CMIP: variants seen among roughly 807,000 people sequenced by gnomAD.
CMIP encodes the protein C-Maf-inducing protein.
Under a neutral mutation model 97.3 loss-of-function variants are expected in CMIP, and 13 were observed. The ratio of observed to expected loss-of-function variants is 0.13; its 90% CI spans 0.09 to 0.21. CMIP has a LOEUF of 0.21. CMIP is among the 10% of genes least tolerant of loss of function. CMIP has a pLI of 1.00. For synonymous variants in CMIP, 538 were observed against 436.3 expected (o/e 1.23, Z -2.91); for missense variants, 847 against 1,024.9 (o/e 0.83, Z 2.37).
At chr16:81,572,074 C>T (rs919089831) in intron 1 of CMIP, among the ~76,000 whole-genome samples, 12 of 152,240 alleles carry the variant, frequency 7.9e-5, no homozygotes, top group East Asian at 3.8e-4. Flanking sequence ...ACTTTGATGT[C>T]GTGTTCTGGC....
intron 3 of CMIP, chr16:81,645,279 T>G: frequency 5.4e-6 from 5 of 922,258 alleles, no homozygotes; most frequent in Non-Finnish European, 7.3e-6. Flanking sequence ...GGGGTCCTCC[T>G]CCACTCTGCA....
intron 5 of CMIP, among the ~76,000 whole-genome samples, chr16:81,660,254 T>G (rs2092529853): frequency 6.6e-6 from 1 of 152,114 alleles, no homozygotes; most frequent in Non-Finnish European, 1.5e-5. Flanking sequence ...AATCTCATTT[T>G]GCAAGTATTT....
At chr16:81,551,586 G>T (rs757607719) in intron 1 of CMIP, among the ~76,000 whole-genome samples, 1 of 152,244 alleles carries the variant, frequency 6.6e-6, no homozygotes, top group South Asian at 2.1e-4. Flanking sequence ...CACTGGGGCC[G>T]TGTGCAGTAT....
rs968773265 is a variant in CMIP at position 81,655,655 on chromosome 16, G to A, written c.640-2120G>A. On this transcript the variant is annotated intron_variant, in intron 4 of 20. Coordinates refer to ENST00000537098, the MANE Select transcript of CMIP (RefSeq NM_198390.3). This position sits in a 1 kb window ranked among gnomAD's most constrained non-coding sequence, Gnocchi z 4.9. ...CCTGGAAAGGTGCGTGGGTGGCGGC[G>A]AGGGATGGATGTGTCGAGCTGCCCT... Among the ~76,000 whole-genome samples the A allele has an allele frequency of 6.6e-6, 1 of 152,222 alleles. No homozygotes were observed. The highest frequency in any genetic ancestry group is 6.5e-5 in the Admixed American group (1 of 15,290).
intron 1 of CMIP, among the ~76,000 whole-genome samples, chr16:81,485,019 A>G (rs1414418041): frequency 6.6e-6 from 1 of 151,902 alleles, no homozygotes; most frequent in African/African-American, 2.4e-5. Context: ...TGAGCTGCGC[A>G]TTGGAATTAC....
chr16:81,670,231 G>A lies in CMIP; in HGVS notation c.915G>A (p.Lys305=). The A allele has an allele frequency of 6.2e-7, 1 of 1,610,572 alleles. No homozygotes were observed. The highest frequency in any genetic ancestry group is 8.5e-7 in the Non-Finnish European group (1 of 1,178,574). The change falls in exon 8 of 21, where the codon AAG becomes AAA. Residue 305 remains lysine (K), a synonymous_variant. Transcript: ENST00000537098. ...NELNAGMEVV[K]KFIQSMHGPT... The stretch of plus-strand genomic sequence containing the variant: ...TCAACGCGGGGATGGAAGTGGTGAA[G>A]AAGTTCATTCAGAGGTGGGTCTCCG...
chr16:81,679,991 G>T (rs1904707146), intron 10 of CMIP, among the ~76,000 whole-genome samples: 2 of 152,214 alleles, frequency 1.3e-5, no homozygotes, highest in African/African-American at 4.8e-5. Flanking sequence ...AACAAGCTCT[G>T]CCCCACTCTC....
chr16:81,632,413 G>A (rs766923425), intron 3 of CMIP, among the ~76,000 whole-genome samples: 4 of 152,138 alleles, frequency 2.6e-5, no homozygotes, highest in Non-Finnish European at 4.4e-5. Flanking sequence ...TCATCCACGC[G>A]GTTCCGTTCC....
At chr16:81,613,647 C>T (rs976330338) in intron 2 of CMIP, among the ~76,000 whole-genome samples, 1 of 152,184 alleles carries the variant, frequency 6.6e-6, no homozygotes, top group African/African-American at 2.4e-5. Context: ...AAAACACTGC[C>T]ATGATCATTT....
intron 3 of CMIP, among the ~76,000 whole-genome samples, chr16:81,649,015 C>T (rs1420520456): frequency 6.6e-5 from 10 of 152,142 alleles, no homozygotes; most frequent in Non-Finnish European, 1.5e-4. Context: ...CCACTCTCCC[C>T]ACCAGTATTT....
intron 9 of CMIP, among the ~76,000 whole-genome samples, chr16:81,674,063 C>G (rs1313564264): frequency 6.6e-6 from 1 of 152,168 alleles, no homozygotes; most frequent in African/African-American, 2.4e-5. Flanking sequence ...TGTTTTCTTG[C>G]AGCAGGGCAT....
intron 1 of CMIP, among the ~76,000 whole-genome samples, chr16:81,454,511 T>C (rs1242819253): frequency 3.3e-5 from 5 of 152,192 alleles, no homozygotes; most frequent in African/African-American, 7.2e-5. Flanking sequence ...TGTGATTTTG[T>C]CAAAAAAGTT....
intron 1 of CMIP, among the ~76,000 whole-genome samples, chr16:81,602,744 A>G (rs753134452): frequency 6.6e-5 from 10 of 152,232 alleles, no homozygotes; most frequent in Non-Finnish European, 1.3e-4. Flanking sequence ...TTAGCTGTAC[A>G]TCTTAGAGCA....
chr16:81,493,175 G>A (rs920625133), intron 1 of CMIP, among the ~76,000 whole-genome samples: 5 of 152,066 alleles, frequency 3.3e-5, no homozygotes, highest in African/African-American at 1.2e-4. Context: ...TCCTGGTCCC[G>A]GCACACAGAC....
rs879908525 is a variant in CMIP, at chr16:81,456,926, C to T, written c.300+11385C>T. On this transcript the variant is annotated intron_variant, in intron 1 of 20. Transcript: ENST00000537098. ...CCTGCAGACCCATCTCCGGAGGAGC[C>T]GTGGCAGAGGATCGCTTCTCACCTG... Among the ~76,000 whole-genome samples, 7 of 152,296 alleles carry T rather than the reference C, an allele frequency of 4.6e-5. No individual in the cohort carries two copies. The South Asian group carries it at 6.2e-4, about 14-fold the overall frequency.
chr16:81,698,425 C>T (rs1402166830), intron 14 of CMIP, among the ~76,000 whole-genome samples: 2 of 152,216 alleles, frequency 1.3e-5, no homozygotes, highest in African/African-American at 2.4e-5. Flanking sequence ...TCTCCCAAAA[C>T]ACCCTTCCGA....
At position 81,548,678 on chromosome 16, in the gene CMIP, A is replaced by G. The variant is rs900015767; in HGVS notation, c.301-58889A>G. On this transcript the variant is annotated intron_variant, in intron 1 of 20. Coordinates refer to ENST00000537098, the MANE Select transcript of CMIP (RefSeq NM_198390.3). The stretch of plus-strand genomic sequence containing the variant: ...CAACATAGGGAGACCATGCCTCTAC[A>G]AAAAAAAAAAGAAAAAAAAAAGCCA... 8.3e-5 allele frequency among the ~76,000 whole-genome samples: 9 copies of G among 108,218 alleles called. No individual in the cohort carries two copies. The East Asian group carries it at 2.6e-3, about 31-fold the overall frequency. The allele number at this position is 108,218 out of a possible 152,430, so 71.0% of individuals were successfully genotyped here.
Position 81,678,637 on chromosome 16 carries a change from C to CA in CMIP, c.1388+9_1388+10insA. 2.1e-6 allele frequency: 3 copies of CA among 1,417,010 alleles called. No homozygotes were observed. Among genetic ancestry groups the CA allele is most frequent in the East Asian group, 2.3e-5 (1 of 43,366 alleles). 87.8% of individuals were successfully genotyped at this position (1,417,010 alleles called of 1,614,324 possible). A position where few individuals can be genotyped will look rare whatever the true frequency, so the allele number is the denominator to read the frequency against. On this transcript the variant is annotated intron_variant, in intron 10 of 20. Transcript: ENST00000537098. The stretch of plus-strand genomic sequence containing the variant: ...GAAATCCTCAAGCTGCTGTGAGTGC[C>CA]CCCCCCGCGTGCCCGCCCCCGGGGC...
chr16:81,558,136 A>C (rs914548653), intron 1 of CMIP, among the ~76,000 whole-genome samples: 6 of 152,082 alleles, frequency 3.9e-5, no homozygotes, highest in African/African-American at 1.4e-4. Flanking sequence ...TTTCTCTTTT[A>C]TGGCAATATT....
Sources: allele counts gnomAD v4.1 joint callset (sites outside exome capture counted in the v4.1 genomes callset), GRCh38; gene constraint gnomAD v4.1.1; non-coding constraint Gnocchi (gnomAD v3.1); transcripts MANE v1.5; gene names NCBI Gene and HGNC (gene_info 2026-07-23, HGNC 2026-07-21).